ZFP62: variants seen among roughly 807,000 people sequenced by gnomAD.
ZFP62 encodes zinc finger protein 62 homolog.
A neutral mutation model predicts 56.4 loss-of-function variants in ZFP62; 44 were observed. That is an observed-to-expected ratio of 0.78 (90% CI 0.61 to 1.00). The LOEUF (loss-of-function observed/expected upper bound fraction) is 1.00, where lower values mean the gene tolerates loss of function less well. Ranked by LOEUF, ZFP62 falls within the 50% of genes least tolerant of loss-of-function variation. ZFP62 has a pLI of 0.00. For synonymous variants in ZFP62, 421 were observed against 388.9 expected (o/e 1.08, Z -0.97); for missense variants, 1,030 against 1,085.7 (o/e 0.95, Z 0.72).
intron 1 of ZFP62, among the ~76,000 whole-genome samples, chr5:180,857,731 A>C (rs1278166524): frequency 6.6e-6 from 1 of 151,380 alleles, no homozygotes; most frequent in African/African-American, 2.4e-5. Flanking sequence ...GCCTGACCTC[A>C]GGGGATCCAC....
chr5:180,828,264 T>A, the ZFP62 span, among the ~76,000 whole-genome samples: 1 of 152,174 alleles, frequency 6.6e-6, no homozygotes, highest in Admixed American at 6.5e-5. Context: ...GTGGTAAGGC[T>A]TCGATTACTA....
chr5:180,839,074 TAGAA>T, the ZFP62 span, among the ~76,000 whole-genome samples: 2 of 152,178 alleles, frequency 1.3e-5, no homozygotes, highest in African/African-American at 2.4e-5. Flanking sequence ...AGGAAACCCT[TAGAA>T]AGAATGCAGA....
At chr5:180,855,829 C>T (rs765476892) in intron 1 of ZFP62, among the ~76,000 whole-genome samples, 6 of 152,206 alleles carry the variant, frequency 3.9e-5, no homozygotes, top group Non-Finnish European at 8.8e-5. Context: ...TCTAGACCTT[C>T]ACTCTTATCC....
the ZFP62 span, among the ~76,000 whole-genome samples, chr5:180,829,600 CCCT>C: frequency 2.0e-5 from 3 of 152,156 alleles, no homozygotes; most frequent in African/African-American, 4.8e-5. Context: ...GATATCTGGC[CCCT>C]ATCGGGTTCC....
At chr5:180,830,492 G>A in the ZFP62 span, 5,276 of 152,430 alleles carry the variant, frequency 0.035, 83 homozygotes, top group South Asian at 0.066. Context: ...CAGAGCCATC[G>A]TGGCAGCCCT....
chr5:180,857,573 C>A (rs1321211776), intron 1 of ZFP62, among the ~76,000 whole-genome samples: 2 of 152,210 alleles, frequency 1.3e-5, no homozygotes, highest in Non-Finnish European at 2.9e-5. Context: ...TCTCAGCACA[C>A]TGCAGCCTCC....
chr5:180,853,330 C>T (rs1187988932), intron 1 of ZFP62, among the ~76,000 whole-genome samples: 1 of 152,102 alleles, frequency 6.6e-6, no homozygotes, highest in Admixed American at 6.5e-5. Flanking sequence ...ATACATGCTA[C>T]GTTTCGTGTA....
rs751560070 is a variant in ZFP62 at position 180,851,478 on chromosome 5, G to A, written c.17C>T (p.Thr6Met). The change falls in exon 2 of 2, where the codon ACG becomes ATG. Residue 6 changes from threonine (T) to methionine (M), a missense_variant. Transcript: ENST00000502412. ...AGTTGGTTCCTCATCCTCAGTGCTC[G>A]TCTTCAAATGTGACACTAAACCAAG... MSHLKTSTEDEEPTEE... is the reference protein window; with the variant it reads MSHLKMSTEDEEPTEE... 25 of 1,540,222 alleles carry A rather than the reference G, an allele frequency of 1.6e-5. No homozygotes were observed. The highest frequency in any genetic ancestry group is 2.8e-5 in the African/African-American group (2 of 72,514).
At chr5:180,846,786 C>T (rs191922951), downstream of ZFP62, among the ~76,000 whole-genome samples, 151 of 152,314 alleles carry the variant, frequency 9.9e-4, no homozygotes, top group Non-Finnish European at 1.6e-3. Flanking sequence ...TCTACTCCTG[C>T]TGCCATCCTC....
At chr5:180,845,753 A>G (rs1350380068), downstream of ZFP62, 1 of 985,432 alleles carries the variant, frequency 1.0e-6, no homozygotes, top group Non-Finnish European at 1.2e-6. Context: ...GTCTGCCTTC[A>G]GCTAACACCA....
At chr5:180,852,263 AAG>A (rs1281605547) in intron 1 of ZFP62, among the ~76,000 whole-genome samples, 7 of 152,124 alleles carry the variant, frequency 4.6e-5, no homozygotes, top group Non-Finnish European at 8.8e-5. Flanking sequence ...CATATGGAAA[AAG>A]ATAAAATTAA....
At chr5:180,843,513 G>T (rs574383737), downstream of ZFP62, among the ~76,000 whole-genome samples, 2 of 151,988 alleles carry the variant, frequency 1.3e-5, no homozygotes, top group Admixed American at 1.3e-4. Flanking sequence ...GCCATATAAC[G>T]GTAACCAAAA....
the ZFP62 span, among the ~76,000 whole-genome samples, chr5:180,829,608 G>T: frequency 6.6e-6 from 1 of 152,180 alleles, no homozygotes; most frequent in African/African-American, 2.4e-5. Context: ...GCCCCTATCG[G>T]GTTCCCCCGA....
intron 1 of ZFP62, chr5:180,851,953 G>T (rs1056760197): frequency 3.3e-6 from 3 of 905,884 alleles, no homozygotes; most frequent in Non-Finnish European, 2.6e-6. Context: ...AAAATCAGCA[G>T]AGGACAGACA....
chr5:180,834,441 T>G, the ZFP62 span: 1 of 152,124 alleles, frequency 6.6e-6, no homozygotes, highest in South Asian at 2.1e-4. Flanking sequence ...GGGAGACACA[T>G]TCAGACCATC....
At chr5:180,845,015 A>G (rs141555279), downstream of ZFP62, among the ~76,000 whole-genome samples, 2 of 152,224 alleles carry the variant, frequency 1.3e-5, no homozygotes, top group East Asian at 1.9e-4. Flanking sequence ...GGTTGCTACT[A>G]TTATCTTTAC....
At position 180,850,666 on chromosome 5, in the gene ZFP62, C is replaced by T. The variant is rs1454399393; in HGVS notation, c.829G>A (p.Gly277Arg). ...GLRVHKRIHT[G>R]EKPYECDICG... ...ATGTCGCATTCATAGGGCTTCTCCC[C>T]CGTGTGGATCCTTTTGTGGACTCTG... The change falls in exon 2 of 2, where the codon GGG becomes AGG. Residue 277 changes from glycine to arginine, a missense_variant. Gly to Arg is a moderately radical substitution (Grantham distance 125). Transcript: ENST00000502412. 3 of 1,590,666 alleles carry T rather than the reference C, an allele frequency of 1.9e-6. No homozygotes were observed. The highest frequency in any genetic ancestry group is 2.6e-6 in the Non-Finnish European group (3 of 1,168,314).
At chr5:180,855,227 T>C (rs1347295314) in intron 1 of ZFP62, among the ~76,000 whole-genome samples, 1 of 152,218 alleles carries the variant, frequency 6.6e-6, no homozygotes, top group African/African-American at 2.4e-5. Context: ...TTTTTACTGT[T>C]CGTATTCTTG....
At position 180,849,391 on chromosome 5, in the gene ZFP62, T is replaced by C. The variant is rs1389292029; in HGVS notation, c.2104A>G (p.Thr702Ala). ...KSTHPGRTPH[T>A]CDECGKAFFS... Reference sequence around the variant, plus strand: ...AAAGCTTTTCCACATTCATCACATGTATGGGGTGTCCTGCCAGGGTGGGTA... The same window carrying C: ...AAAGCTTTTCCACATTCATCACATGCATGGGGTGTCCTGCCAGGGTGGGTA... The change falls in exon 2 of 2, where the codon ACA becomes GCA. Residue 702 changes from threonine (T) to alanine (A), a missense_variant. By Grantham distance (58) the Thr-to-Ala change is moderately conservative (BLOSUM62 0). Coordinates refer to ENST00000502412, the MANE Select transcript of ZFP62 (RefSeq NM_001172638.2). The C allele has an allele frequency of 6.4e-6, 10 of 1,551,116 alleles. No individual in the cohort carries two copies. The highest frequency in any genetic ancestry group is 8.7e-6 in the Non-Finnish European group (10 of 1,146,644).
Sources: gnomAD v4.1 joint callset for allele counts (sites outside exome capture counted in the v4.1 genomes callset) on GRCh38, gnomAD v4.1.1 for gene constraint, MANE v1.5 for transcripts, NCBI Gene and HGNC (gene_info 2026-07-23, HGNC 2026-07-21) for gene names.